The following ERBB4 variants were observed in gnomAD, a reference collection of about 807,000 sequenced individuals.
ERBB4 encodes erb-b2 receptor tyrosine kinase 4, also known as receptor tyrosine-protein kinase erbB-4.
A neutral mutation model predicts 158.0 loss-of-function variants in ERBB4; 42 were observed. The observed-to-expected ratio is 0.27, with a 90% CI of 0.21 to 0.34. ERBB4 has a LOEUF of 0.34. Ranked by LOEUF, ERBB4 falls within the 10% of genes least tolerant of loss-of-function variation. The pLI, the probability that ERBB4 is intolerant of heterozygous loss-of-function variation, is 1.00. For synonymous variants in ERBB4, 583 were observed against 558.7 expected, an observed-to-expected ratio of 1.04 and a Z score of -0.61; for missense variants, 1,333 against 1,624.1, an observed-to-expected ratio of 0.82 and a Z score of 3.08.
At chr2:211,832,215 T>C (rs2077237211) in intron 3 of ERBB4, among the ~76,000 whole-genome samples, 1 of 152,120 alleles carries the variant, frequency 6.6e-6, no homozygotes, top group Non-Finnish European at 1.5e-5. Flanking sequence ...TGATAGCATC[T>C]CCACAGACTT....
chr2:212,389,742 C>T (rs1385545932), intron 1 of ERBB4, among the ~76,000 whole-genome samples: 2 of 151,830 alleles, frequency 1.3e-5, no homozygotes, highest in African/African-American at 4.8e-5. Context: ...GTGTACTTGG[C>T]ATTATATTAA....
chr2:211,407,118 G>A (rs1186478137), intron 25 of ERBB4, among the ~76,000 whole-genome samples: 2 of 151,808 alleles, frequency 1.3e-5, no homozygotes, highest in African/African-American at 2.4e-5. Flanking sequence ...TAAACTCAAG[G>A]GGTTTTCATG....
At chr2:211,870,741 T>C (rs528279666) in intron 3 of ERBB4, among the ~76,000 whole-genome samples, 3 of 151,980 alleles carry the variant, frequency 2.0e-5, no homozygotes. Flanking sequence ...GTAATTTTTA[T>C]TATATATATA....
chr2:211,532,280 A>G (rs2066522031), intron 20 of ERBB4, among the ~76,000 whole-genome samples: 1 of 152,034 alleles, frequency 6.6e-6, no homozygotes, highest in Non-Finnish European at 1.5e-5. Context: ...AAGTAACTAA[A>G]AGAGTATAAT....
chr2:211,905,647 CATATATATATATATATATATATAT>C lies in ERBB4; in HGVS notation c.421+41759_421+41782del, dbSNP rs56758130. Among the ~76,000 whole-genome samples, 632 of 71,450 alleles carry C rather than the reference CATATATATATATATATATATATAT, an allele frequency of 8.8e-3. 18 individuals carry two copies. The highest frequency in any genetic ancestry group is 0.03 in the African/African-American group (577 of 19,088). 46.9% of individuals were successfully genotyped at this position (71,450 alleles called of 152,430 possible). On this transcript the variant is annotated intron_variant, in intron 3 of 27. Transcript: ENST00000342788. ...TGAAGAGCAGTAAAGTAGGAAGGAT[CATATATATATATATATATATATAT>C]ATATATATATACACACATATATGTG...
chr2:211,772,955 A>ATATATATATATATAT (rs1553630145), intron 4 of ERBB4, among the ~76,000 whole-genome samples: 4 of 83,302 alleles, frequency 4.8e-5, no homozygotes, highest in African/African-American at 2.2e-4. Flanking sequence ...ATATATATAT[A>ATATATATATATATAT]TTTTTTTTTT....
At chr2:211,616,806 C>G (rs1473216590) in intron 19 of ERBB4, among the ~76,000 whole-genome samples, 1 of 152,144 alleles carries the variant, frequency 6.6e-6, no homozygotes, top group African/African-American at 2.4e-5. Context: ...ATCTGTTAAT[C>G]TTCCAGCATC....
intron 1 of ERBB4, among the ~76,000 whole-genome samples, chr2:212,138,510 C>G (rs941470393): frequency 6.6e-6 from 1 of 152,106 alleles, no homozygotes; most frequent in Non-Finnish European, 1.5e-5. Flanking sequence ...CAGGACCCTT[C>G]AGACAGTCTC....
intron 2 of ERBB4, among the ~76,000 whole-genome samples, chr2:212,078,774 A>T (rs2078346861): frequency 6.6e-6 from 1 of 151,574 alleles, no homozygotes; most frequent in Admixed American, 6.6e-5. Context: ...TAATATTAAT[A>T]TAATTAAAAC....
At chr2:211,905,744 GTATATA>G (rs66837219) in intron 3 of ERBB4, among the ~76,000 whole-genome samples, 4 of 119,384 alleles carry the variant, frequency 3.4e-5, no homozygotes, top group Admixed American at 8.5e-5. Flanking sequence ...GCATGTGTGT[GTATATA>G]TATATATATA....
chr2:211,404,610 C>A (rs1035613754), intron 25 of ERBB4, among the ~76,000 whole-genome samples: 2 of 151,482 alleles, frequency 1.3e-5, no homozygotes, highest in East Asian at 3.9e-4. Context: ...TTTTTTTTAA[C>A]TTTGTTAAAA....
At chr2:211,548,946 T>C (rs906254723) in intron 20 of ERBB4, among the ~76,000 whole-genome samples, 1 of 152,124 alleles carries the variant, frequency 6.6e-6, no homozygotes, top group Non-Finnish European at 1.5e-5. Context: ...TTCAATAGAC[T>C]CTGCTAATCA....
chr2:211,885,828 A>C (rs2078785233), intron 3 of ERBB4, among the ~76,000 whole-genome samples: 1 of 152,174 alleles, frequency 6.6e-6, no homozygotes, highest in Non-Finnish European at 1.5e-5. Context: ...TATCAGTTTA[A>C]GAATGTTTCT....
chr2:211,900,601 T>C (rs1330214409), intron 3 of ERBB4, among the ~76,000 whole-genome samples: 1 of 152,196 alleles, frequency 6.6e-6, no homozygotes, highest in Non-Finnish European at 1.5e-5. Context: ...TACGCTTTAG[T>C]AAAGAGTTTG....
rs1415848981 is a variant in ERBB4, at chr2:211,788,028, C to T, written c.553G>A (p.Gly185Arg). 2.5e-5 allele frequency: 41 copies of T among 1,613,398 alleles called. No homozygotes were observed. Among genetic ancestry groups the T allele is most frequent in the Middle Eastern group, 1.6e-4 (1 of 6,080 alleles). ...LTLVSTNGSS[G>R]CGRCHKSCTG... ...TAAAAAGAATAATTCTACTTACATCCTGAACTACCATTTGTTGACACAAGA... is the reference window on the plus strand; with the variant it reads ...TAAAAAGAATAATTCTACTTACATCTTGAACTACCATTTGTTGACACAAGA... Residue 185 changes from glycine (G) to arginine (R), a missense_variant, in exon 4 of 28, where the codon GGA becomes AGA. Transcript: ENST00000342788.
chr2:211,985,325 G>GA (rs1559250006), intron 2 of ERBB4, among the ~76,000 whole-genome samples: 2 of 151,966 alleles, frequency 1.3e-5, no homozygotes, highest in African/African-American at 2.4e-5. Context: ...TAATCTATTG[G>GA]AAAAAAAGTC....
chr2:212,150,869 G>T (rs1462511942), intron 1 of ERBB4, among the ~76,000 whole-genome samples: 1 of 152,096 alleles, frequency 6.6e-6, no homozygotes, highest in Non-Finnish European at 1.5e-5. Flanking sequence ...ACTAAACTCT[G>T]TTCATGCATG....
intron 1 of ERBB4, among the ~76,000 whole-genome samples, chr2:212,198,886 A>G (rs1468809152): frequency 6.6e-6 from 1 of 151,930 alleles, no homozygotes; most frequent in Non-Finnish European, 1.5e-5. Context: ...CCTAGCCTAT[A>G]ACACATTTTT....
intron 19 of ERBB4, among the ~76,000 whole-genome samples, chr2:211,580,153 T>G (rs2125766982): frequency 6.6e-6 from 1 of 152,278 alleles, no homozygotes; most frequent in East Asian, 1.9e-4. Context: ...TAAAGCAGTC[T>G]GTGGTTAGCA....
Sources: allele counts gnomAD v4.1 joint callset (sites outside exome capture counted in the v4.1 genomes callset), GRCh38; gene constraint gnomAD v4.1.1; transcripts MANE v1.5; gene names NCBI Gene and HGNC (gene_info 2026-07-23, HGNC 2026-07-21).